Variants in FOXK2 observed in about 807,000 individuals in gnomAD.
FOXK2 encodes the protein forkhead box protein K2.
A neutral mutation model predicts 53.3 loss-of-function variants in FOXK2; 24 were observed. The ratio of observed to expected loss-of-function variants is 0.45; its 90% confidence interval spans 0.33 to 0.63. The LOEUF (loss-of-function observed/expected upper bound fraction) is 0.63. Among genes scored for constraint, FOXK2 ranks in the 30% least tolerant of loss-of-function variants. The pLI is 0.03. For synonymous variants in FOXK2, 505 were observed against 407.1 expected, an observed-to-expected ratio of 1.24 and a Z score of -2.89; for missense variants, 952 against 910.5, an observed-to-expected ratio of 1.05 and a Z score of -0.59.
rs143501904 is a variant in FOXK2, at chr17:82,536,724, G to T, written c.419+16417G>T. On this transcript the variant is annotated intron_variant, in intron 1 of 8. Transcript: ENST00000335255. ...CTTCGCAGAGGGGGCCTTTTGCCCT[G>T]GGCATGTGTGTAGCTTTCTGAATTT... 7.2e-5 allele frequency among the ~76,000 whole-genome samples: 11 copies of T among 152,304 alleles called. No homozygotes were observed. The East Asian group carries it at 2.1e-3, about 29-fold the overall frequency.
chr17:82,534,585 C>A (rs1014166240), intron 1 of FOXK2, among the ~76,000 whole-genome samples: 1 of 152,130 alleles, frequency 6.6e-6, no homozygotes, highest in Non-Finnish European at 1.5e-5. Context: ...CTGGAGGAGA[C>A]CCTCCTGGGA....
intron 1 of FOXK2, among the ~76,000 whole-genome samples, chr17:82,539,623 T>C (rs1294291869): frequency 1.3e-5 from 2 of 151,542 alleles, no homozygotes; most frequent in African/African-American, 4.9e-5. Context: ...CACTCCAGTC[T>C]GGGTAACACT....
intron 7 of FOXK2, 50 bp downstream of exon 7, chr17:82,586,250 T>G (rs2045148034): frequency 3.1e-5 from 12 of 389,050 alleles, no homozygotes; most frequent in South Asian, 9.4e-5. Flanking sequence ...AGGTGAAAGG[T>G]GGGCCGGGGG....
At chr17:82,593,634 A>C (rs1421725145) in intron 8 of FOXK2, 2 of 152,300 alleles carry the variant, frequency 1.3e-5, no homozygotes, top group Non-Finnish European at 2.9e-5. Flanking sequence ...CAGAGGGAGC[A>C]GTGCATCGGC....
rs1013204391 is a variant in FOXK2 at position 82,587,070 on chromosome 17, A to G, written c.1584A>G (p.Val528=). ...CTTTTCCTTTAATTTCAGTGAAAGTAGAGCCTATTCCCGCCATTGGCCACG... is the reference window on the plus strand; with the variant it reads ...CTTTTCCTTTAATTTCAGTGAAAGTGGAGCCTATTCCCGCCATTGGCCACG... ...NGDHREVKVK[V]EPIPAIGHAT... is the part of the protein sequence containing the mutation. Residue 528 remains valine, a synonymous_variant, in exon 8 of 9, where the codon GTA becomes GTG. Transcript: ENST00000335255. The G allele has an allele frequency of 3.1e-6, 5 of 1,612,610 alleles. No individual in the cohort carries two copies. The highest frequency in any genetic ancestry group is 1.3e-5 in the African/African-American group (1 of 74,950).
rs2045417464 is a variant in FOXK2, at chr17:82,603,900, T to C, written c.*2401T>C. ...TCGAAGCGAGAGCAGTAACAAACCA[T>C]AGATGAGCAGACTCCCACACCGGGT... On this transcript the variant is annotated 3_prime_UTR_variant, in exon 9 of 9. Coordinates refer to ENST00000335255, the MANE Select transcript of FOXK2 (RefSeq NM_004514.4). 1 of 152,138 alleles carries C rather than the reference T, an allele frequency of 6.6e-6. No individual in the cohort carries two copies. The highest frequency in any genetic ancestry group is 1.5e-5 in the Non-Finnish European group (1 of 68,024). 9.4% of individuals were successfully genotyped at this position (152,138 alleles called of 1,614,324 possible). A position where few individuals can be genotyped will look rare whatever the true frequency, so the allele number is the denominator to read the frequency against.
intron 1 of FOXK2, among the ~76,000 whole-genome samples, chr17:82,539,983 G>A (rs1195559352): frequency 9.0e-5 from 13 of 143,782 alleles, no homozygotes; most frequent in Non-Finnish European, 1.5e-4. Context: ...AAAAAATATC[G>A]ATAATTGAAA....
intron 1 of FOXK2, among the ~76,000 whole-genome samples, chr17:82,545,862 G>A (rs1433673276): frequency 6.6e-6 from 1 of 151,692 alleles, no homozygotes; most frequent in African/African-American, 2.4e-5. Context: ...GATTACAGGC[G>A]TGAGCCACCG....
At chr17:82,571,249 A>G (rs1276064438) in intron 3 of FOXK2, among the ~76,000 whole-genome samples, 1 of 152,098 alleles carries the variant, frequency 6.6e-6, no homozygotes, top group African/African-American at 2.4e-5. Context: ...AATATTCTTT[A>G]TAGTTTTCCA....
Position 82,520,137 on chromosome 17 carries a change from C to T in FOXK2, c.249C>T (p.Phe83=), listed in dbSNP as rs1213772316. Residue 83 remains phenylalanine, a synonymous_variant, in exon 1 of 9, where the codon TTC becomes TTT. Coordinates refer to ENST00000335255, the MANE Select transcript of FOXK2 (RefSeq NM_004514.4). ...SFISRRHLEI[F]TPPGGGGHGG... ...TCTCCCGGCGCCACCTCGAGATCTTCACGCCCCCGGGCGGCGGCGGCCATG... is the reference window on the plus strand; with the variant it reads ...TCTCCCGGCGCCACCTCGAGATCTTTACGCCCCCGGGCGGCGGCGGCCATG... 1.4e-5 allele frequency: 21 copies of T among 1,530,504 alleles called. No individual in the cohort carries two copies. Among genetic ancestry groups the T allele is most frequent in the Non-Finnish European group, 1.8e-5 (21 of 1,139,256 alleles). The allele number at this position is 1,530,504 out of a possible 1,614,324, so 94.8% of individuals were successfully genotyped here. A position where few individuals can be genotyped will look rare whatever the true frequency, so the allele number is the denominator to read the frequency against.
intron 1 of FOXK2, among the ~76,000 whole-genome samples, chr17:82,525,996 A>AATCCCACACTTTCTTATGTGGCC (rs2044415324): frequency 9.9e-5 from 1 of 10,138 alleles, no homozygotes; most frequent in Admixed American, 1.2e-3. Flanking sequence ...CTTATGTGGC[A>AATCCCACACTTTCTTATGTGGCC]TGAATCCCTC....
Position 82,601,511 on chromosome 17 carries a change from G to T in FOXK2, c.*12G>T. ...GTGTCCAGAACTAGCGACCGGGAGA[G>T]CTTTTCTTTAACGATATCAACTCTG... On this transcript the variant is annotated 3_prime_UTR_variant, in exon 9 of 9. Coordinates refer to ENST00000335255, the MANE Select transcript of FOXK2 (RefSeq NM_004514.4). 6.3e-7 allele frequency: 1 copy of T among 1,591,652 alleles called. No homozygotes were observed. Among genetic ancestry groups the T allele is most frequent in the Non-Finnish European group, 8.6e-7 (1 of 1,166,858 alleles).
At chr17:82,539,071 T>C (rs913825815) in intron 1 of FOXK2, among the ~76,000 whole-genome samples, 5 of 152,184 alleles carry the variant, frequency 3.3e-5, no homozygotes, top group South Asian at 2.1e-4. Flanking sequence ...TAGAAAAGTA[T>C]TGAAGCTTTT....
At chr17:82,570,163 A>G (rs2044900674) in intron 3 of FOXK2, among the ~76,000 whole-genome samples, 2 of 151,670 alleles carry the variant, frequency 1.3e-5, no homozygotes, top group African/African-American at 4.9e-5. Context: ...TGGAGCTTGC[A>G]GTGAGCCGAA....
chr17:82,591,281 T>C (rs1025759918), intron 8 of FOXK2, among the ~76,000 whole-genome samples: 15 of 152,050 alleles, frequency 9.9e-5, no homozygotes, highest in African/African-American at 3.6e-4. Flanking sequence ...GGGGTCTCCA[T>C]GGAGGCCTCA....
At position 82,535,965 on chromosome 17, in the gene FOXK2, C is replaced by T. The variant is rs9892813; in HGVS notation, c.419+15658C>T. Among the ~76,000 whole-genome samples, 1,112 of 152,174 alleles carry T rather than the reference C, an allele frequency of 7.3e-3. 10 individuals carry two copies. Among genetic ancestry groups the T allele is most frequent in the African/African-American group, 0.025 (1,051 of 41,530 alleles). ...CCATGTTGGTCAGGCGGGTCTGGAA[C>T]TCCTAACCTCAGGTGATCCGCCTGT... On this transcript the variant is annotated intron_variant, in intron 1 of 8. Transcript: ENST00000335255.
intron 1 of FOXK2, among the ~76,000 whole-genome samples, chr17:82,558,201 ATGG>A (rs1053282460): frequency 6.6e-6 from 1 of 152,090 alleles, no homozygotes; most frequent in African/African-American, 2.4e-5. Flanking sequence ...TTAGCTGAAC[ATGG>A]TGGCGTGTGC....
intron 1 of FOXK2, among the ~76,000 whole-genome samples, chr17:82,529,666 G>C (rs934286159): frequency 7.9e-5 from 12 of 152,292 alleles, no homozygotes; most frequent in Admixed American, 7.8e-4. Flanking sequence ...GATTACAGGC[G>C]TGAGCCATGG....
chr17:82,540,621 C>T (rs1027927335), intron 1 of FOXK2, among the ~76,000 whole-genome samples: 4 of 152,174 alleles, frequency 2.6e-5, no homozygotes, highest in Non-Finnish European at 5.9e-5. Context: ...TCCTCCCACA[C>T]GCCTGCCCAC....
Sources: allele counts gnomAD v4.1 joint callset (sites outside exome capture counted in the v4.1 genomes callset), GRCh38; gene constraint gnomAD v4.1.1; transcripts MANE v1.5; gene names NCBI Gene and HGNC (gene_info 2026-07-23, HGNC 2026-07-21).